The following BRINP3 variants were observed in gnomAD, a reference collection of about 807,000 sequenced individuals.
BRINP3 encodes the protein BMP/retinoic acid inducible neural specific 3.
BRINP3 carries 19 observed loss-of-function variants against 71.0 expected under a neutral mutation model. The ratio of observed to expected loss-of-function variants is 0.27; its 90% CI spans 0.19 to 0.39. BRINP3 has a LOEUF of 0.39. BRINP3 is among the 10% of genes least tolerant of loss of function. BRINP3 has a pLI of 1.00. For synonymous variants in BRINP3, 380 were observed against 337.7 expected, an observed-to-expected ratio of 1.13 and a Z score of -1.37; for missense variants, 959 against 940.8, an observed-to-expected ratio of 1.02 and a Z score of -0.25.
At chr1:190,405,468 AAAAAAAAAAAAAAAAAAAAAAAAAC>A (rs1453601222) in intron 2 of BRINP3, among the ~76,000 whole-genome samples, 103 of 97,472 alleles carry the variant, frequency 1.1e-3, no homozygotes, top group South Asian at 5.9e-3. Flanking sequence ...AAAAAAAAAA[AAAAAAAAAAAAAAAAAAAAAAAAAC>A]CAGAATCAGA....
chr1:190,365,731 G>T (rs1476952041), intron 2 of BRINP3, among the ~76,000 whole-genome samples: 8 of 138,496 alleles, frequency 5.8e-5, no homozygotes, highest in Non-Finnish European at 1.1e-4. Flanking sequence ...AATATTAAAT[G>T]AATATTATAA....
At chr1:190,290,108 A>G (rs1404535050) in intron 2 of BRINP3, among the ~76,000 whole-genome samples, 1 of 152,118 alleles carries the variant, frequency 6.6e-6, no homozygotes, top group Non-Finnish European at 1.5e-5. Context: ...TAAAGTTCAC[A>G]GAAAATCAAA....
intron 4 of BRINP3, among the ~76,000 whole-genome samples, chr1:190,258,334 T>C (rs1660861997): frequency 6.6e-6 from 1 of 152,106 alleles, no homozygotes; most frequent in Non-Finnish European, 1.5e-5. Context: ...GCTAAGACCA[T>C]ACCTGGAAAA....
chr1:190,141,290 T>G (rs1245168716), intron 7 of BRINP3, among the ~76,000 whole-genome samples: 1 of 151,980 alleles, frequency 6.6e-6, no homozygotes, highest in African/African-American at 2.4e-5. Flanking sequence ...AAGAAGCTCC[T>G]GTTTTTCATC....
At chr1:190,258,821 G>A (rs1660907209) in intron 4 of BRINP3, among the ~76,000 whole-genome samples, 1 of 152,134 alleles carries the variant, frequency 6.6e-6, no homozygotes, top group Non-Finnish European at 1.5e-5. Context: ...TAAATGTTTG[G>A]AGGAGCCATG....
rs762506239 is a variant in BRINP3 at position 190,226,132 on chromosome 1, A to C, written c.911T>G (p.Leu304Arg). 6.2e-7 allele frequency: 1 copy of C among 1,611,636 alleles called. No individual in the cohort carries two copies. Among genetic ancestry groups the C allele is most frequent in the Admixed American group, 1.7e-5 (1 of 59,728 alleles). The change falls in exon 6 of 8, where the codon CTT becomes CGT. Residue 304 changes from leucine (L) to arginine (R), a missense_variant. By Grantham distance (102) the Leu-to-Arg change is moderately radical. Coordinates refer to ENST00000367462, the MANE Select transcript of BRINP3 (RefSeq NM_199051.3). ...MDIQAMEENL[L>R]RITETWKAYN... ...AGCTTTCCAGGTTTCAGTTATTCGA[A>C]GAAGATTCTCTTCCATGGCTTGAAT...
At chr1:190,134,170 G>C (rs571592959) in intron 7 of BRINP3, among the ~76,000 whole-genome samples, 1 of 152,012 alleles carries the variant, frequency 6.6e-6, no homozygotes, top group Non-Finnish European at 1.5e-5. Flanking sequence ...TGAGGTCTAC[G>C]GTGGTTAGGG....
chr1:190,251,292 A>T (rs1660119891), intron 4 of BRINP3, among the ~76,000 whole-genome samples: 1 of 151,972 alleles, frequency 6.6e-6, no homozygotes, highest in African/African-American at 2.4e-5. Context: ...TAAAGCACTT[A>T]ATATGTGCCA....
chr1:190,187,233 T>C (rs1466631712), intron 6 of BRINP3, among the ~76,000 whole-genome samples: 2 of 152,202 alleles, frequency 1.3e-5, no homozygotes, highest in African/African-American at 4.8e-5. Context: ...TAATTTGTTT[T>C]ATTGCTATTA....
chr1:190,226,115 A>G lies in BRINP3; in HGVS notation c.928T>C (p.Trp310Arg). The G allele has an allele frequency of 1.2e-6, 2 of 1,607,780 alleles. No individual in the cohort carries two copies. Among genetic ancestry groups the G allele is most frequent in the Non-Finnish European group, 1.7e-6 (2 of 1,176,334 alleles). The change falls in exon 6 of 8, where the codon TGG (tryptophan) becomes CGG (arginine). Residue 310 changes from tryptophan (W) to arginine (R), a missense_variant. By Grantham distance (101) the Trp-to-Arg change is moderately radical. Coordinates refer to ENST00000367462, the MANE Select transcript of BRINP3 (RefSeq NM_199051.3). ...TCAAAGTCACTGTTGTAAGCTTTCC[A>G]GGTTTCAGTTATTCGAAGAAGATTC... ...EENLLRITET[W>R]KAYNSDFEES...
At chr1:190,229,377 C>G (rs1392047710) in intron 5 of BRINP3, among the ~76,000 whole-genome samples, 1 of 151,966 alleles carries the variant, frequency 6.6e-6, no homozygotes, top group East Asian at 1.9e-4. Context: ...TTTGCTCCTC[C>G]TTGCCTCTGT....
chr1:190,359,015 G>T (rs1432845784), intron 2 of BRINP3, among the ~76,000 whole-genome samples: 1 of 152,050 alleles, frequency 6.6e-6, no homozygotes, highest in East Asian at 1.9e-4. Flanking sequence ...CTGTTGTGGG[G>T]TGGGGGGAGA....
At chr1:190,282,084 A>AT (rs1184729535) in intron 2 of BRINP3, among the ~76,000 whole-genome samples, 3 of 151,916 alleles carry the variant, frequency 2.0e-5, no homozygotes, top group Non-Finnish European at 2.9e-5. Flanking sequence ...CTTAAGGGCA[A>AT]TTTTTTTCAT....
At chr1:190,108,095 CAA>C (rs964044119) in intron 7 of BRINP3, among the ~76,000 whole-genome samples, 3 of 151,780 alleles carry the variant, frequency 2.0e-5, no homozygotes, top group African/African-American at 7.3e-5. Flanking sequence ...AAAAACAAAA[CAA>C]AACAAAAAAC....
At chr1:190,397,976 G>A (rs890811108) in intron 2 of BRINP3, among the ~76,000 whole-genome samples, 11 of 151,940 alleles carry the variant, frequency 7.2e-5, no homozygotes, top group Non-Finnish European at 7.4e-5. Context: ...TTAATATCGT[G>A]TTCAGTGAAG....
rs994668866 is a variant in BRINP3, at chr1:190,454,732, G to A, written c.159C>T (p.Pro53=). Residue 53 remains proline (P), a synonymous_variant, in exon 2 of 8, where the codon CCC becomes CCT. Coordinates refer to ENST00000367462, the MANE Select transcript of BRINP3 (RefSeq NM_199051.3). ...CTGTGTATTCCTGTGAGCGATGGAAGGGTCCCTTATCAGAGAGGAGCCAGT... is the reference window on the plus strand; with the variant it reads ...CTGTGTATTCCTGTGAGCGATGGAAAGGTCCCTTATCAGAGAGGAGCCAGT... ...PFDWLLSDKG[P]FHRSQEYTDF... is the part of the protein sequence containing the mutation. The A allele has an allele frequency of 8.1e-6, 13 of 1,614,010 alleles. No homozygotes were observed. The highest frequency in any genetic ancestry group is 1.1e-5 in the Non-Finnish European group (13 of 1,180,028).
At chr1:190,370,182 C>A (rs533753347) in intron 2 of BRINP3, among the ~76,000 whole-genome samples, 1 of 152,136 alleles carries the variant, frequency 6.6e-6, no homozygotes, top group Non-Finnish European at 1.5e-5. Context: ...CACACATACA[C>A]AAGCACAATT....
chr1:190,293,932 T>C (rs1664057401), intron 2 of BRINP3, among the ~76,000 whole-genome samples: 2 of 152,166 alleles, frequency 1.3e-5, no homozygotes, highest in Non-Finnish European at 2.9e-5. Flanking sequence ...GTGGATTGTT[T>C]GTAGGCACCA....
chr1:190,428,797 G>T (rs925697104), intron 2 of BRINP3, among the ~76,000 whole-genome samples: 3 of 151,878 alleles, frequency 2.0e-5, no homozygotes, highest in African/African-American at 7.3e-5. Context: ...CAATGATTAT[G>T]GGTCAACTAA....
Sources: allele counts gnomAD v4.1 joint callset (sites outside exome capture counted in the v4.1 genomes callset), GRCh38; gene constraint gnomAD v4.1.1; transcripts MANE v1.5; gene names NCBI Gene and HGNC (gene_info 2026-07-23, HGNC 2026-07-21).